Variants in PPP2R2B observed in about 807,000 individuals in gnomAD.
The protein encoded by PPP2R2B is serine/threonine-protein phosphatase 2A 55 kDa regulatory subunit B beta isoform.
In PPP2R2B, 5 loss-of-function variants were observed where a neutral mutation model predicts 46.0. The ratio of observed to expected loss-of-function variants is 0.11; its 90% CI spans 0.06 to 0.23. PPP2R2B has a LOEUF of 0.23. Among genes scored for constraint, PPP2R2B ranks in the 10% least tolerant of loss-of-function variants. PPP2R2B has a pLI of 1.00. For synonymous variants in PPP2R2B, 215 were observed against 206.7 expected, an observed-to-expected ratio of 1.04 and a Z score of -0.34; for missense variants, 367 against 575.0, an observed-to-expected ratio of 0.64 and a Z score of 3.70.
intron 8 of PPP2R2B, among the ~76,000 whole-genome samples, chr5:146,597,454 A>G (rs1410946128): frequency 1.3e-5 from 2 of 152,160 alleles, no homozygotes; most frequent in Non-Finnish European, 2.9e-5. Context: ...TCGATTCAGC[A>G]GTACATCGTT....
At chr5:146,962,549 C>A (rs1459808270) in intron 1 of PPP2R2B, among the ~76,000 whole-genome samples, 1 of 151,812 alleles carries the variant, frequency 6.6e-6, no homozygotes, top group African/African-American at 2.4e-5. Context: ...CCTAGCTACT[C>A]AGGAGGATGA....
intron 2 of PPP2R2B, among the ~76,000 whole-genome samples, chr5:146,806,887 C>T (rs140309015): frequency 6.6e-6 from 1 of 152,310 alleles, no homozygotes; most frequent in African/African-American, 2.4e-5. Context: ...GGGGAGCAGG[C>T]AATAGGGGAC....
At chr5:146,907,670 C>T (rs1366156176) in intron 1 of PPP2R2B, among the ~76,000 whole-genome samples, 2 of 152,228 alleles carry the variant, frequency 1.3e-5, no homozygotes, top group East Asian at 1.9e-4. Context: ...TTCCATTATC[C>T]TGTATAAATG....
chr5:146,712,418 A>G (rs552446280), intron 2 of PPP2R2B, among the ~76,000 whole-genome samples: 1 of 152,356 alleles, frequency 6.6e-6, no homozygotes, highest in East Asian at 1.9e-4. Flanking sequence ...GATTTTCATC[A>G]GCAGCAGGAC....
intron 2 of PPP2R2B, among the ~76,000 whole-genome samples, chr5:146,761,561 T>A (rs1339504754): frequency 6.6e-6 from 1 of 152,098 alleles, no homozygotes; most frequent in Non-Finnish European, 1.5e-5. Context: ...GGCACATGTA[T>A]ACATATGTAA....
chr5:146,832,921 T>A (rs886595586), intron 2 of PPP2R2B, among the ~76,000 whole-genome samples: 1 of 151,984 alleles, frequency 6.6e-6, no homozygotes, highest in Admixed American at 6.6e-5. Flanking sequence ...AATTGCCTAA[T>A]GGCACACTTC....
intron 5 of PPP2R2B, among the ~76,000 whole-genome samples, chr5:146,652,848 G>A (rs146500423): frequency 6.6e-6 from 1 of 152,244 alleles, no homozygotes; most frequent in African/African-American, 2.4e-5. Flanking sequence ...ATCAAATCCA[G>A]GTTTTGACTA....
chr5:146,717,727 G>A (rs963056175), intron 2 of PPP2R2B, among the ~76,000 whole-genome samples: 12 of 151,990 alleles, frequency 7.9e-5, no homozygotes, highest in African/African-American at 2.2e-4. Context: ...TTCCTCCCTC[G>A]CAAACTATCC....
At chr5:146,728,552 T>G (rs1277413135) in intron 2 of PPP2R2B, among the ~76,000 whole-genome samples, 1 of 152,134 alleles carries the variant, frequency 6.6e-6, no homozygotes, top group Non-Finnish European at 1.5e-5. Context: ...TGGAGCAAAA[T>G]AATCCTCCAA....
chr5:146,979,979 A>G (rs1359086131), intron 1 of PPP2R2B, among the ~76,000 whole-genome samples: 2 of 152,172 alleles, frequency 1.3e-5, no homozygotes, highest in East Asian at 1.9e-4. Context: ...CACATATGCA[A>G]ACTTGTTTTA....
At chr5:146,669,293 G>A (rs1479742987) in intron 5 of PPP2R2B, among the ~76,000 whole-genome samples, 1 of 152,074 alleles carries the variant, frequency 6.6e-6, no homozygotes. Context: ...TAAATAATGG[G>A]TCAGAGGTCC....
intron 2 of PPP2R2B, among the ~76,000 whole-genome samples, chr5:146,790,225 A>C (rs1278391496): frequency 6.6e-6 from 1 of 152,210 alleles, no homozygotes; most frequent in African/African-American, 2.4e-5. Context: ...CTTGAGATAG[A>C]AGTGAAAATG....
At chr5:146,805,720 C>A (rs1015121385) in intron 2 of PPP2R2B, among the ~76,000 whole-genome samples, 2 of 152,040 alleles carry the variant, frequency 1.3e-5, no homozygotes, top group Non-Finnish European at 2.9e-5. Context: ...GTAAATGATA[C>A]CTTACTGGCT....
chr5:146,942,177 T>A (rs886687291), intron 1 of PPP2R2B, among the ~76,000 whole-genome samples: 4 of 152,224 alleles, frequency 2.6e-5, no homozygotes, highest in Non-Finnish European at 4.4e-5. Context: ...TCTGAGGTGC[T>A]ATGAGTTAGG....
chr5:147,012,489 C>T (rs1376870403), intron 1 of PPP2R2B, among the ~76,000 whole-genome samples: 3 of 151,942 alleles, frequency 2.0e-5, no homozygotes, highest in Non-Finnish European at 1.5e-5. Flanking sequence ...ATTAGTCTTG[C>T]TAGTGGTTTA....
intron 2 of PPP2R2B, among the ~76,000 whole-genome samples, chr5:146,745,072 G>A (rs531071801): frequency 6.6e-6 from 1 of 152,148 alleles, no homozygotes; most frequent in Admixed American, 6.5e-5. Flanking sequence ...GCTGGGCACT[G>A]TGGCAATAGA....
chr5:146,677,100 T>G (rs1292656574), intron 5 of PPP2R2B, among the ~76,000 whole-genome samples: 2 of 152,228 alleles, frequency 1.3e-5, no homozygotes, highest in Non-Finnish European at 2.9e-5. Context: ...CATAGGATGC[T>G]TTTCTTAGAT....
chr5:146,960,465 T>C (rs1017110902), intron 1 of PPP2R2B, among the ~76,000 whole-genome samples: 4 of 152,144 alleles, frequency 2.6e-5, no homozygotes, highest in Non-Finnish European at 5.9e-5. Context: ...AATTTTTGTA[T>C]TTTTAGTAGA....
At chr5:146,984,626 A>C (rs565068523) in intron 1 of PPP2R2B, among the ~76,000 whole-genome samples, 2 of 152,244 alleles carry the variant, frequency 1.3e-5, no homozygotes, top group East Asian at 3.9e-4. Context: ...ATCATATGGT[A>C]GTTCTGTTTT....
Sources: allele counts gnomAD v4.1 joint callset (sites outside exome capture counted in the v4.1 genomes callset), GRCh38; gene constraint gnomAD v4.1.1; transcripts MANE v1.5; gene names NCBI Gene and HGNC (gene_info 2026-07-23, HGNC 2026-07-21).